Variants in EEPD1 observed in about 807,000 individuals in gnomAD.
EEPD1 encodes endonuclease/exonuclease/phosphatase family domain-containing protein 1.
A neutral mutation model predicts 46.3 loss-of-function variants in EEPD1; 17 were observed. The observed-to-expected ratio is 0.37, with a 90% CI of 0.25 to 0.55. EEPD1 has a LOEUF of 0.55. EEPD1 is among the 20% of genes least tolerant of loss of function. EEPD1 has a pLI of 0.83. For synonymous variants in EEPD1, 313 were observed against 315.6 expected (o/e 0.99, Z 0.09); for missense variants, 673 against 745.6 (o/e 0.90, Z 1.13).
chr7:36,192,782 C>T (rs868835871), intron 2 of EEPD1, among the ~76,000 whole-genome samples: 3 of 152,208 alleles, frequency 2.0e-5, no homozygotes, highest in Admixed American at 6.5e-5. Flanking sequence ...ATGTTGTTTT[C>T]GTGAATGCGG....
chr7:36,161,986 T>C (rs1005727685), intron 2 of EEPD1, among the ~76,000 whole-genome samples: 27 of 152,120 alleles, frequency 1.8e-4, no homozygotes, highest in African/African-American at 5.8e-4. Flanking sequence ...ACAAATAAAA[T>C]GATAGATTTT....
intron 3 of EEPD1, among the ~76,000 whole-genome samples, chr7:36,241,974 C>G (rs1477228800): frequency 6.6e-6 from 1 of 152,216 alleles, no homozygotes; most frequent in African/African-American, 2.4e-5. Context: ...ACTTTCAAAA[C>G]CTATCAGAGA....
In EEPD1 at chr7:36,203,113, T is replaced by C. The variant is rs375822367; in HGVS notation, c.879-35872T>C. 3.0e-4 allele frequency among the ~76,000 whole-genome samples: 45 copies of C among 152,276 alleles called. No individual in the cohort carries two copies. The South Asian group carries it at 8.5e-3, about 29-fold the overall frequency. The stretch of plus-strand genomic sequence containing the variant: ...TCTGGCTCCCAAAGAGGGAAGAATT[T>C]TGTGCCTGGAGATGCAGGGTCAGAA... On this transcript the variant is annotated intron_variant, in intron 2 of 7. Coordinates refer to ENST00000242108, the MANE Select transcript of EEPD1 (RefSeq NM_030636.3).
At position 36,281,086 on chromosome 7, in the gene EEPD1, C is replaced by T. The variant is rs199691295; in HGVS notation, c.931-29C>T. 3,187 of 1,605,248 alleles carry T rather than the reference C, an allele frequency of 2.0e-3. 21 individuals are homozygous for T. The highest frequency in any genetic ancestry group is 1.6e-3 in the Non-Finnish European group (1,822 of 1,173,098). ...CGGGACTGCTTTAGGCGCGAACCCA[C>T]GCTTCTGACCTGTGCTCTGTCTTTG... On this transcript the variant is annotated intron_variant, in intron 3 of 7. Transcript: ENST00000242108.
intron 3 of EEPD1, among the ~76,000 whole-genome samples, chr7:36,273,394 G>A (rs770583082): frequency 1.1e-4 from 16 of 151,934 alleles, no homozygotes; most frequent in South Asian, 2.1e-4. Flanking sequence ...TAAAAAACAG[G>A]ACTCAGGAGC....
chr7:36,161,654 G>A (rs952319094), intron 2 of EEPD1, among the ~76,000 whole-genome samples: 1 of 151,980 alleles, frequency 6.6e-6, no homozygotes, highest in African/African-American at 2.4e-5. Context: ...GAGAGAATCC[G>A]GTATACAAAT....
intron 2 of EEPD1, among the ~76,000 whole-genome samples, chr7:36,226,822 T>C (rs1282382333): frequency 6.6e-6 from 1 of 152,028 alleles, no homozygotes; most frequent in South Asian, 2.1e-4. Context: ...GATAAATACA[T>C]ACTTAGAGAA....
chr7:36,170,897 A>C (rs1785067780), intron 2 of EEPD1, among the ~76,000 whole-genome samples: 3 of 151,718 alleles, frequency 2.0e-5, no homozygotes, highest in Admixed American at 2.0e-4. Context: ...GTTTTAGTTC[A>C]TTTTACTTTT....
intron 2 of EEPD1, among the ~76,000 whole-genome samples, chr7:36,167,915 A>G (rs1319013506): frequency 6.6e-6 from 1 of 152,084 alleles, no homozygotes; most frequent in Non-Finnish European, 1.5e-5. Flanking sequence ...GGGTTTCGCC[A>G]CATTGGCCAG....
intron 2 of EEPD1, among the ~76,000 whole-genome samples, chr7:36,235,327 C>T (rs1786414317): frequency 6.6e-6 from 1 of 152,262 alleles, no homozygotes; most frequent in African/African-American, 2.4e-5. Context: ...AACCTACATG[C>T]AGTTCTCAAT....
At chr7:36,158,488 G>A (rs1217792149) in intron 2 of EEPD1, among the ~76,000 whole-genome samples, 1 of 152,202 alleles carries the variant, frequency 6.6e-6, no homozygotes, top group Non-Finnish European at 1.5e-5. Flanking sequence ...GTATGGGATG[G>A]GAGTTAGAGT....
chr7:36,160,676 T>TGGGGGG (rs150571892), intron 2 of EEPD1, among the ~76,000 whole-genome samples: 13 of 36,504 alleles, frequency 3.6e-4, no homozygotes, highest in Non-Finnish European at 6.5e-4. Flanking sequence ...TGGGAGGTGG[T>TGGGGGG]GGGGGGCGGG....
intron 2 of EEPD1, among the ~76,000 whole-genome samples, chr7:36,202,915 A>G (rs1367086233): frequency 6.6e-6 from 1 of 152,178 alleles, no homozygotes; most frequent in African/African-American, 2.4e-5. Context: ...CCTGCCTGGC[A>G]TCTGAAGCAG....
At chr7:36,192,698 CATT>C (rs1785482015) in intron 2 of EEPD1, among the ~76,000 whole-genome samples, 1 of 152,180 alleles carries the variant, frequency 6.6e-6, no homozygotes, top group African/African-American at 2.4e-5. Context: ...GCTCCCCTTA[CATT>C]TTTTTTAAAA....
chr7:36,273,982 G>A lies in EEPD1; in HGVS notation c.931-7133G>A, dbSNP rs182184880. On this transcript the variant is annotated intron_variant, in intron 3 of 7. Transcript: ENST00000242108. ...CATGAGCTCCTGGGCCAGTAGGAAT[G>A]GATCCTAGAGGCAGTGCTGTGGCAG... Among the ~76,000 whole-genome samples, 362 of 152,356 alleles carry A rather than the reference G, an allele frequency of 2.4e-3. 3 individuals carry two copies. Among genetic ancestry groups the A allele is most frequent in the Middle Eastern group, 6.8e-3 (2 of 294 alleles).
intron 2 of EEPD1, among the ~76,000 whole-genome samples, chr7:36,207,790 A>C (rs936795064): frequency 1.3e-5 from 2 of 151,686 alleles, no homozygotes; most frequent in African/African-American, 4.9e-5. Context: ...AAGTGTTTCT[A>C]CTTTAGTAAT....
At chr7:36,256,792 T>C (rs1023868995) in intron 3 of EEPD1, among the ~76,000 whole-genome samples, 1 of 152,218 alleles carries the variant, frequency 6.6e-6, no homozygotes, top group African/African-American at 2.4e-5. Context: ...CCAGTCTGTG[T>C]CTTTTAATTG....
chr7:36,299,909 C>G lies in EEPD1; in HGVS notation c.*703C>G, dbSNP rs1273614124. The G allele has an allele frequency of 2.6e-5, 4 of 152,218 alleles. No homozygotes were observed. The highest frequency in any genetic ancestry group is 7.2e-5 in the African/African-American group (3 of 41,424). The allele number at this position is 152,218 out of a possible 1,614,324, so 9.4% of individuals were successfully genotyped here. A position where few individuals can be genotyped will look rare whatever the true frequency, so the allele number is the denominator to read the frequency against. The stretch of plus-strand genomic sequence containing the variant: ...TCCCCACCTTGAGGCCTTGCAGAGG[C>G]GCCTCTCAAGGCCCCATCAGCTCGC... On this transcript the variant is annotated 3_prime_UTR_variant, in exon 8 of 8. Transcript: ENST00000242108.
Position 36,193,732 on chromosome 7 carries a change from A to T in EEPD1, c.878+38530A>T, listed in dbSNP as rs1435446546. Among the ~76,000 whole-genome samples, 1 of 152,124 alleles carries T rather than the reference A, an allele frequency of 6.6e-6. No individual in the cohort carries two copies. Among genetic ancestry groups the T allele is most frequent in the Non-Finnish European group, 1.5e-5 (1 of 68,016 alleles). ...TTCCTAGGGCTATGTTTCCAAGAGG[A>T]ATTCAGAAACCCAGGCCGTCAGGTC... On this transcript the variant is annotated intron_variant, in intron 2 of 7. Coordinates refer to ENST00000242108, the MANE Select transcript of EEPD1 (RefSeq NM_030636.3). This position sits in a 1 kb window ranked among gnomAD's most constrained non-coding sequence, Gnocchi z 4.9.
Sources: allele counts gnomAD v4.1 joint callset (sites outside exome capture counted in the v4.1 genomes callset), GRCh38; gene constraint gnomAD v4.1.1; non-coding constraint Gnocchi (gnomAD v3.1); transcripts MANE v1.5; gene names NCBI Gene and HGNC (gene_info 2026-07-23, HGNC 2026-07-21).